The following NAALADL2 variants were observed in gnomAD, a reference collection of about 807,000 sequenced individuals.
The protein encoded by NAALADL2 is inactive N-acetylated-alpha-linked acidic dipeptidase-like protein 2.
A neutral mutation model predicts 87.2 loss-of-function variants in NAALADL2; 76 were observed. The ratio of observed to expected loss-of-function variants is 0.87; its 90% CI spans 0.72 to 1.05. The LOEUF (loss-of-function observed/expected upper bound fraction) is 1.05. Among genes scored for constraint, NAALADL2 ranks in the 50% least tolerant of loss-of-function variants. The pLI is 0.00. For missense variants in NAALADL2, 1,089 were observed against 945.8 expected, an observed-to-expected ratio of 1.15 and a Z score of -1.99; for synonymous variants, 354 against 331.0, an observed-to-expected ratio of 1.07 and a Z score of -0.75.
At chr3:174,972,958 T>C (rs890870703) in intron 1 of NAALADL2, among the ~76,000 whole-genome samples, 1 of 148,138 alleles carries the variant, frequency 6.8e-6, no homozygotes, top group East Asian at 2.0e-4. Flanking sequence ...ATCGTGCCAT[T>C]GCACTCCAGC....
chr3:175,674,290 ATC>A (rs1202564023), intron 11 of NAALADL2, among the ~76,000 whole-genome samples: 2 of 145,246 alleles, frequency 1.4e-5, no homozygotes, highest in Non-Finnish European at 3.0e-5. Context: ...GTTGGAGTCT[ATC>A]TCTGTCGCCC....
chr3:174,728,412 T>C (rs988573625), intron 2 of NAALADL2, among the ~76,000 whole-genome samples: 2 of 152,058 alleles, frequency 1.3e-5, no homozygotes, highest in Non-Finnish European at 2.9e-5. Context: ...AGGATACACA[T>C]TGAGAAGCTG....
chr3:175,495,098 T>A (rs1472586201), intron 9 of NAALADL2, among the ~76,000 whole-genome samples: 36 of 128,836 alleles, frequency 2.8e-4, no homozygotes, highest in Middle Eastern at 4.1e-3. Context: ...ATATATTTTT[T>A]TTTAATTTTA....
intron 2 of NAALADL2, chr3:174,551,043 T>C (rs569068980): frequency 9.9e-4 from 151 of 152,262 alleles, no homozygotes; most frequent in African/African-American, 3.5e-3. Context: ...GTGCACAATG[T>C]GCAGGGTAGT....
chr3:174,943,944 C>T (rs997766129), intron 1 of NAALADL2, among the ~76,000 whole-genome samples: 13 of 152,110 alleles, frequency 8.5e-5, no homozygotes, highest in Admixed American at 2.0e-4. Flanking sequence ...GCTAATGGCC[C>T]GATAGCTCTG....
At chr3:174,752,649 C>T (rs1014131851) in intron 3 of NAALADL2, among the ~76,000 whole-genome samples, 6 of 151,334 alleles carry the variant, frequency 4.0e-5, no homozygotes, top group Non-Finnish European at 8.8e-5. Flanking sequence ...TTTTTTATCA[C>T]TTTATTTTGG....
chr3:174,704,071 C>G (rs371771718), intron 2 of NAALADL2, among the ~76,000 whole-genome samples: 1 of 152,244 alleles, frequency 6.6e-6, no homozygotes, highest in East Asian at 1.9e-4. Context: ...ACGGAATAGG[C>G]TAGGAGATAC....
chr3:175,525,469 C>T (rs556242742), intron 9 of NAALADL2, among the ~76,000 whole-genome samples: 9 of 152,242 alleles, frequency 5.9e-5, no homozygotes, highest in African/African-American at 1.9e-4. Context: ...AGTTTTATAA[C>T]TTATTAATGA....
intron 1 of NAALADL2, among the ~76,000 whole-genome samples, chr3:174,964,925 G>A (rs954914400): frequency 1.3e-5 from 2 of 151,382 alleles, no homozygotes; most frequent in Non-Finnish European, 2.9e-5. Context: ...ATATCTAGTT[G>A]GATTGAGCTG....
intron 9 of NAALADL2, among the ~76,000 whole-genome samples, chr3:175,530,190 A>G (rs1308861756): frequency 1.3e-5 from 2 of 152,178 alleles, no homozygotes; most frequent in Non-Finnish European, 2.9e-5. Context: ...AGGTCATCCT[A>G]TCCACTCGAT....
intron 5 of NAALADL2, among the ~76,000 whole-genome samples, chr3:175,423,213 C>CTTTTTT (rs1271917270): frequency 8.0e-6 from 1 of 124,848 alleles, no homozygotes; most frequent in Non-Finnish European, 1.7e-5. Flanking sequence ...ATTTATTTTT[C>CTTTTTT]TTTTTTTTTT....
At chr3:175,118,514 C>T (rs1009949718) in intron 2 of NAALADL2, among the ~76,000 whole-genome samples, 28 of 151,802 alleles carry the variant, frequency 1.8e-4, no homozygotes, top group Non-Finnish European at 4.0e-4. Flanking sequence ...GAACAGCAGG[C>T]AGGAGGCGGT....
chr3:174,476,384 TTTTG>T (rs1341663240), intron 1 of NAALADL2, among the ~76,000 whole-genome samples: 1 of 151,918 alleles, frequency 6.6e-6, no homozygotes, highest in African/African-American at 2.4e-5. Flanking sequence ...GTGCTGTTAT[TTTTG>T]TTTGACAGTG....
At chr3:174,514,103 A>G (rs548125400) in intron 1 of NAALADL2, among the ~76,000 whole-genome samples, 2 of 152,060 alleles carry the variant, frequency 1.3e-5, no homozygotes, top group East Asian at 3.9e-4. Flanking sequence ...GTGAATTATC[A>G]ATGTTTTTTT....
At chr3:174,839,743 C>T (rs1253864935) in intron 3 of NAALADL2, among the ~76,000 whole-genome samples, 5 of 151,764 alleles carry the variant, frequency 3.3e-5, no homozygotes, top group Admixed American at 3.3e-4. Flanking sequence ...ACATGAAAAA[C>T]ATGCTCTACA....
intron 1 of NAALADL2, among the ~76,000 whole-genome samples, chr3:175,085,943 G>A (rs893655544): frequency 6.6e-6 from 1 of 152,122 alleles, no homozygotes; most frequent in African/African-American, 2.4e-5. Context: ...TTATTTGGGG[G>A]TAATAGACAG....
At chr3:175,066,784 C>T (rs557711665) in intron 1 of NAALADL2, among the ~76,000 whole-genome samples, 15 of 152,208 alleles carry the variant, frequency 9.9e-5, no homozygotes, top group African/African-American at 3.4e-4. Flanking sequence ...TGTCTGGCTA[C>T]AATAATCCAA....
Position 175,559,117 on chromosome 3 carries a change from G to A in NAALADL2, c.1654-16924G>A, listed in dbSNP as rs185361964. Among the ~76,000 whole-genome samples the A allele has an allele frequency of 2.6e-5, 4 of 151,982 alleles. No homozygotes were observed. The East Asian group carries it at 7.7e-4, about 29-fold the overall frequency. ...CAATTTCTTGCATCAGTGTTTTATA[G>A]TTTTCATGGTAGAGATCTTTCACTT... On this transcript the variant is annotated intron_variant, in intron 9 of 13. Coordinates refer to ENST00000454872, the MANE Select transcript of NAALADL2 (RefSeq NM_207015.3).
intron 4 of NAALADL2, among the ~76,000 whole-genome samples, chr3:175,268,942 A>ATT (rs71164626): frequency 3.6e-4 from 52 of 143,052 alleles, no homozygotes; most frequent in East Asian, 8.2e-4. Flanking sequence ...TAACTATTTA[A>ATT]TTTTTTTTTT....
Sources: allele counts gnomAD v4.1 joint callset (sites outside exome capture counted in the v4.1 genomes callset), GRCh38; gene constraint gnomAD v4.1.1; transcripts MANE v1.5; gene names NCBI Gene and HGNC (gene_info 2026-07-23, HGNC 2026-07-21).